The following AIG1 variants were observed in gnomAD, a reference collection of about 807,000 sequenced individuals.
The protein encoded by AIG1 is androgen-induced gene 1 protein.
A neutral mutation model predicts 31.4 loss-of-function variants in AIG1; 23 were observed. The ratio of observed to expected loss-of-function variants is 0.73; its 90% CI spans 0.53 to 1.04. AIG1 has a LOEUF of 1.04. Ranked by LOEUF, AIG1 falls within the 50% of genes least tolerant of loss-of-function variation. AIG1 has a pLI of 0.00. For missense variants in AIG1, 274 were observed against 295.0 expected, an observed-to-expected ratio of 0.93 and a Z score of 0.52; for synonymous variants, 100 against 110.5, an observed-to-expected ratio of 0.90 and a Z score of 0.60.
intron 1 of AIG1, among the ~76,000 whole-genome samples, chr6:143,117,885 T>A (rs1401063574): frequency 1.3e-5 from 2 of 152,182 alleles, no homozygotes; most frequent in African/African-American, 4.8e-5. Flanking sequence ...AAAAACATTG[T>A]GTTTGTTTAC....
intron 3 of AIG1, among the ~76,000 whole-genome samples, chr6:143,183,071 A>G (rs1788881022): frequency 6.6e-6 from 1 of 152,260 alleles, no homozygotes; most frequent in Non-Finnish European, 1.5e-5. Context: ...TGTCCAAAGA[A>G]CATTCCAGAA....
chr6:143,075,858 A>T (rs190954497), intron 1 of AIG1, among the ~76,000 whole-genome samples: 93 of 152,290 alleles, frequency 6.1e-4, no homozygotes, highest in Middle Eastern at 3.4e-3. Flanking sequence ...TTTTACAGTG[A>T]GTTGTACACT....
intron 1 of AIG1, among the ~76,000 whole-genome samples, chr6:143,123,975 AAGAC>A (rs1782451099): frequency 6.6e-6 from 1 of 152,222 alleles, no homozygotes; most frequent in Non-Finnish European, 1.5e-5. Context: ...CAAAGTCAGA[AAGAC>A]AGAACTCAGA....
At chr6:143,240,881 A>T (rs1183273721) in intron 3 of AIG1, among the ~76,000 whole-genome samples, 1 of 152,192 alleles carries the variant, frequency 6.6e-6, no homozygotes. Context: ...ACCAGTCTGC[A>T]GACCATACTC....
intron 5 of AIG1, chr6:143,335,108 G>T: frequency 7.0e-7 from 1 of 1,434,506 alleles, no homozygotes; most frequent in Non-Finnish European, 9.2e-7. Flanking sequence ...AAAGACAGAT[G>T]TTTTGTGCCA....
At chr6:143,155,122 G>A (rs1785615602) in intron 2 of AIG1, among the ~76,000 whole-genome samples, 1 of 151,490 alleles carries the variant, frequency 6.6e-6, no homozygotes, top group Admixed American at 6.6e-5. Flanking sequence ...GCCTCCCAAA[G>A]TGCTGGGATT....
At chr6:143,157,147 T>C (rs957671949) in intron 2 of AIG1, among the ~76,000 whole-genome samples, 3 of 152,374 alleles carry the variant, frequency 2.0e-5, no homozygotes, top group Non-Finnish European at 2.9e-5. Flanking sequence ...AAAAATTAAA[T>C]GAAATTAAAA....
intron 1 of AIG1, among the ~76,000 whole-genome samples, chr6:143,075,240 G>T (rs1383285671): frequency 1.3e-5 from 2 of 152,170 alleles, no homozygotes; most frequent in Non-Finnish European, 2.9e-5. Flanking sequence ...TTGTTTCAAA[G>T]ATCAGCTTTT....
chr6:143,268,755 T>A lies in AIG1; in HGVS notation c.400-15355T>A, dbSNP rs1796315874. ...ACTAGCTGTATTACTTGGTGTAGTG[T>A]TAACCATGTTTGGTGGATGCCAGGA... On this transcript the variant is annotated intron_variant, in intron 3 of 5. Coordinates refer to ENST00000357847, the MANE Select transcript of AIG1 (RefSeq NM_016108.4). This position sits in a 1 kb window ranked among gnomAD's most constrained non-coding sequence, Gnocchi z 5.0. 2.0e-5 allele frequency among the ~76,000 whole-genome samples: 3 copies of A among 152,366 alleles called. No homozygotes were observed. In the South Asian group the frequency reaches 6.2e-4, roughly 32 times the overall value.
At chr6:143,240,739 T>A (rs908125077) in intron 3 of AIG1, among the ~76,000 whole-genome samples, 7 of 152,202 alleles carry the variant, frequency 4.6e-5, no homozygotes, top group Admixed American at 1.3e-4. Context: ...ATAAATTTTT[T>A]AAAAAACCAG....
intron 3 of AIG1, among the ~76,000 whole-genome samples, chr6:143,273,910 T>A (rs1796715430): frequency 6.6e-6 from 1 of 152,074 alleles, no homozygotes; most frequent in Admixed American, 6.5e-5. Context: ...CAAAATACTA[T>A]TAAGGAGAGT....
chr6:143,181,657 A>C (rs991516112), intron 3 of AIG1, among the ~76,000 whole-genome samples: 1 of 152,156 alleles, frequency 6.6e-6, no homozygotes, highest in Non-Finnish European at 1.5e-5. Flanking sequence ...AACTGGAAAA[A>C]ATGTATTATT....
chr6:143,083,040 A>G (rs1778416316), intron 1 of AIG1, among the ~76,000 whole-genome samples: 1 of 152,208 alleles, frequency 6.6e-6, no homozygotes, highest in East Asian at 1.9e-4. Context: ...AACATTCTTA[A>G]TTGCTTCAGG....
intron 3 of AIG1, among the ~76,000 whole-genome samples, chr6:143,237,527 A>G (rs1793898092): frequency 1.3e-5 from 2 of 152,000 alleles, no homozygotes; most frequent in Admixed American, 1.3e-4. Context: ...TTGAAATCAG[A>G]AAAGCAGGAT....
At chr6:143,099,997 A>G (rs1449334973) in intron 1 of AIG1, among the ~76,000 whole-genome samples, 1 of 152,228 alleles carries the variant, frequency 6.6e-6, no homozygotes, top group Non-Finnish European at 1.5e-5. Flanking sequence ...GCCACAGTTG[A>G]ATTTCATTCA....
chr6:143,307,462 C>A (rs1469961899), intron 4 of AIG1, among the ~76,000 whole-genome samples: 1 of 152,210 alleles, frequency 6.6e-6, no homozygotes, highest in Non-Finnish European at 1.5e-5. Context: ...GCTAGAGGTC[C>A]ACTCCAGACC....
intron 1 of AIG1, among the ~76,000 whole-genome samples, chr6:143,120,645 G>A (rs368004977): frequency 1.7e-4 from 26 of 152,270 alleles, no homozygotes; most frequent in African/African-American, 4.6e-4. Context: ...CATAACACGC[G>A]GGGATTATGG....
chr6:143,213,673 C>T (rs768069492), intron 3 of AIG1, among the ~76,000 whole-genome samples: 2 of 151,542 alleles, frequency 1.3e-5, no homozygotes, highest in Non-Finnish European at 2.9e-5. Flanking sequence ...CCCACCACCA[C>T]GCCTGACTAA....
At chr6:143,234,228 G>A (rs1377342543) in intron 3 of AIG1, among the ~76,000 whole-genome samples, 3 of 152,106 alleles carry the variant, frequency 2.0e-5, no homozygotes, top group Admixed American at 1.3e-4. Flanking sequence ...AAAACCTTAG[G>A]CAATTAGCCT....
Sources: allele counts gnomAD v4.1 joint callset (sites outside exome capture counted in the v4.1 genomes callset), GRCh38; gene constraint gnomAD v4.1.1; non-coding constraint Gnocchi (gnomAD v3.1); transcripts MANE v1.5; gene names NCBI Gene and HGNC (gene_info 2026-07-23, HGNC 2026-07-21).